Variants in EXD3 observed in about 807,000 individuals in gnomAD.
The protein encoded by EXD3 is exonuclease mut-7 homolog.
A neutral mutation model predicts 98.0 loss-of-function variants in EXD3; 92 were observed. The observed-to-expected ratio is 0.94, with a 90% CI of 0.79 to 1.12. The LOEUF (loss-of-function observed/expected upper bound fraction) is 1.12, where lower values mean the gene tolerates loss of function less well. Among genes scored for constraint, EXD3 ranks in the 50% most tolerant of loss-of-function variants. The pLI is 0.00. For synonymous variants in EXD3, 569 were observed against 526.0 expected, an observed-to-expected ratio of 1.08 and a Z score of -1.12; for missense variants, 1,222 against 1,191.6, an observed-to-expected ratio of 1.03 and a Z score of -0.38.
Position 137,347,963 on chromosome 9 carries a change from G to A in EXD3, c.1998+108C>T, listed in dbSNP as rs1834018762. The A allele has an allele frequency of 1.5e-6, 2 of 1,315,578 alleles. No individual in the cohort carries two copies. The highest frequency in any genetic ancestry group is 1.5e-5 in the African/African-American group (1 of 67,476). The allele number at this position is 1,315,578 out of a possible 1,614,324, so 81.5% of individuals were successfully genotyped here. On this transcript the variant is annotated intron_variant, in intron 17 of 21. Coordinates refer to ENST00000340951, the MANE Select transcript of EXD3 (RefSeq NM_017820.5). This position sits in a 1 kb window ranked among gnomAD's most constrained non-coding sequence, Gnocchi z 4.2. ...TCCCAGAGCCTGCCTGGCACAGCTG[G>A]CAGCCATGGATGAGCTGGAGGGAGG...
At chr9:137,404,267 C>T (rs761289102) in intron 1 of EXD3, among the ~76,000 whole-genome samples, 6 of 152,166 alleles carry the variant, frequency 3.9e-5, no homozygotes, top group African/African-American at 9.7e-5. Context: ...CAGCAGATCG[C>T]GGGTCCTTCC....
chr9:137,346,619 C>CTT (rs1833948042), intron 17 of EXD3, among the ~76,000 whole-genome samples: 4 of 152,288 alleles, frequency 2.6e-5, no homozygotes, highest in Admixed American at 1.3e-4. Context: ...CAGCATCCCA[C>CTT]CTCTATTTCT....
intron 7 of EXD3, among the ~76,000 whole-genome samples, chr9:137,357,737 T>C (rs1225155873): frequency 3.4e-5 from 3 of 87,724 alleles, no homozygotes; most frequent in South Asian, 6.6e-4. Context: ...AGGATATATA[T>C]ATATGTGTAT....
rs369865833 is a variant in EXD3 at position 137,351,373 on chromosome 9, C to T, written c.1329G>A (p.Gln443=). The T allele has an allele frequency of 1.9e-6, 3 of 1,611,476 alleles. No individual in the cohort carries two copies. The highest frequency in any genetic ancestry group is 2.5e-6 in the Non-Finnish European group (3 of 1,179,554). Residue 443 remains glutamine (Q), a synonymous_variant, in exon 13 of 22, where the codon CAG becomes CAA. Coordinates refer to ENST00000340951, the MANE Select transcript of EXD3 (RefSeq NM_017820.5). ...GCTGGGCCACCAGCCGGGAAAAGGCCTGGGCTCCCTGCCCTGTTGGTGGCT... is the reference window on the plus strand; with the variant it reads ...GCTGGGCCACCAGCCGGGAAAAGGCTTGGGCTCCCTGCCCTGTTGGTGGCT... ...LSQPPTGQGA[Q]AFSRLVAQLL... is the part of the protein sequence containing the mutation.
chr9:137,387,740 G>A (rs1285382580), intron 2 of EXD3, among the ~76,000 whole-genome samples: 1 of 152,190 alleles, frequency 6.6e-6, no homozygotes, highest in Non-Finnish European at 1.5e-5. Context: ...TCCCAGACCC[G>A]CTCTCCGGCC....
At chr9:137,378,210 T>A (rs1836014103) in intron 3 of EXD3, among the ~76,000 whole-genome samples, 1 of 151,852 alleles carries the variant, frequency 6.6e-6, no homozygotes. Flanking sequence ...TTATTTATTT[T>A]TATTTATTTA....
At chr9:137,416,457 C>T (rs1280779280) in intron 1 of EXD3, among the ~76,000 whole-genome samples, 1 of 152,244 alleles carries the variant, frequency 6.6e-6, no homozygotes, top group Non-Finnish European at 1.5e-5. Flanking sequence ...GGCAGCCCAC[C>T]GCCTCACCTC....
chr9:137,307,185 G>GC lies in EXD3; in HGVS notation c.2395dup (p.Ala799GlyfsTer85). On this transcript the variant is annotated frameshift_variant, in exon 22 of 22. Coordinates refer to ENST00000340951, the MANE Select transcript of EXD3 (RefSeq NM_017820.5). LOFTEE classifies it low-confidence loss of function (END_TRUNC). ...GTCGGCCAGCATGTCCGGTGTCTCC[G>GC]CCCGCAGGTCAGCCATCTGCAGCCA... 6.3e-7 allele frequency: 1 copy of GC among 1,584,728 alleles called. No homozygotes were observed.
At chr9:137,328,040 G>A (rs199624485) in intron 17 of EXD3, among the ~76,000 whole-genome samples, 4 of 11,206 alleles carry the variant, frequency 3.6e-4, no homozygotes, top group Non-Finnish European at 5.0e-4. Flanking sequence ...TAAAAACAAC[G>A]AATAAACACC....
intron 17 of EXD3, among the ~76,000 whole-genome samples, chr9:137,337,719 G>A (rs993675770): frequency 8.6e-5 from 13 of 151,892 alleles, no homozygotes; most frequent in African/African-American, 3.1e-4. Flanking sequence ...TATGTTGGGG[G>A]GTAGGTGGAG....
chr9:137,417,265 A>G (rs2131841791), intron 1 of EXD3, among the ~76,000 whole-genome samples: 1 of 152,288 alleles, frequency 6.6e-6, no homozygotes, highest in South Asian at 2.1e-4. Context: ...GGGGATGGCC[A>G]GTTTCCCACG....
intron 4 of EXD3, 103 bp from the exon 5 acceptor site, chr9:137,373,175 G>T: frequency 7.3e-7 from 1 of 1,364,670 alleles, no homozygotes; most frequent in Non-Finnish European, 9.9e-7. Context: ...CTGCCACTGT[G>T]GCCATGTGTG....
At chr9:137,338,206 G>T (rs1833461696) in intron 17 of EXD3, among the ~76,000 whole-genome samples, 3 of 152,172 alleles carry the variant, frequency 2.0e-5, no homozygotes, top group Admixed American at 2.0e-4. Flanking sequence ...TTTTCCTGAA[G>T]TTAGGTTAGA....
At position 137,385,331 on chromosome 9, in the gene EXD3, C is replaced by T. The variant is rs576210485; in HGVS notation, c.56-1954G>A. ...CCCAGGTGGGGAGGACGTACCCCAC[C>T]ACGTGGCCATGGCAGGCAGTGTGAC... On this transcript the variant is annotated intron_variant, in intron 2 of 21. Coordinates refer to ENST00000340951, the MANE Select transcript of EXD3 (RefSeq NM_017820.5). This position sits in a 1 kb window ranked among gnomAD's most constrained non-coding sequence, Gnocchi z 4.4. 6.6e-6 allele frequency among the ~76,000 whole-genome samples: 1 copy of T among 152,168 alleles called. No homozygotes were observed. Among genetic ancestry groups the T allele is most frequent in the African/African-American group, 2.4e-5 (1 of 41,540 alleles).
At chr9:137,311,373 C>T (rs1831352324) in intron 19 of EXD3, among the ~76,000 whole-genome samples, 1 of 152,234 alleles carries the variant, frequency 6.6e-6, no homozygotes, top group Admixed American at 6.5e-5. Context: ...AGGTGGTCCA[C>T]CCTCCACAGA....
chr9:137,381,552 C>G (rs530898455), intron 3 of EXD3, among the ~76,000 whole-genome samples: 1 of 152,136 alleles, frequency 6.6e-6, no homozygotes, highest in African/African-American at 2.4e-5. Context: ...CCCGCCCCAG[C>G]CCTGCCTCCT....
chr9:137,410,371 G>C (rs533280008), intron 1 of EXD3, among the ~76,000 whole-genome samples: 4 of 151,726 alleles, frequency 2.6e-5, no homozygotes, highest in East Asian at 1.9e-4. Context: ...TGTAATCTCA[G>C]CTACCTGGGA....
intron 3 of EXD3, among the ~76,000 whole-genome samples, chr9:137,373,957 G>A (rs1039675299): frequency 1.3e-5 from 2 of 152,238 alleles, no homozygotes; most frequent in Non-Finnish European, 2.9e-5. Flanking sequence ...CTCAGCAGGC[G>A]AAAGAAACTG....
chr9:137,313,625 G>C (rs999700691), intron 19 of EXD3, among the ~76,000 whole-genome samples: 31 of 152,176 alleles, frequency 2.0e-4, no homozygotes, highest in African/African-American at 6.8e-4. Flanking sequence ...TGGGCCCCAT[G>C]GGGGGTGTGG....
Sources: allele counts gnomAD v4.1 joint callset (sites outside exome capture counted in the v4.1 genomes callset), GRCh38; gene constraint gnomAD v4.1.1; non-coding constraint Gnocchi (gnomAD v3.1); transcripts MANE v1.5; gene names NCBI Gene and HGNC (gene_info 2026-07-23, HGNC 2026-07-21).